Variants in TECTB observed in about 807,000 individuals in gnomAD.
TECTB encodes the protein tectorin beta.
Under a neutral mutation model 43.3 loss-of-function variants are expected in TECTB, and 45 were observed. The ratio of observed to expected loss-of-function variants is 1.04; its 90% CI spans 0.82 to 1.33. TECTB has a LOEUF of 1.33. Among genes scored for constraint, TECTB ranks in the 40% most tolerant of loss-of-function variants. TECTB has a pLI of 0.00. For missense variants in TECTB, 399 were observed against 404.7 expected, an observed-to-expected ratio of 0.99 and a Z score of 0.12; for synonymous variants, 169 against 156.7, an observed-to-expected ratio of 1.08 and a Z score of -0.59.
chr10:112,293,637 G>A, intron 5 of TECTB, 101 bp from the exon 6 acceptor site: 2 of 1,018,070 alleles, frequency 2.0e-6, no homozygotes, highest in Non-Finnish European at 3.1e-6. Context: ...ATGTCTTTGG[G>A]TTGATTCTCA....
At chr10:112,298,319 G>A (rs942462493) in intron 8 of TECTB, 88 bp downstream of exon 8, 1 of 1,505,854 alleles carries the variant, frequency 6.6e-7, no homozygotes, top group Admixed American at 2.0e-5. Context: ...ATCATAACCA[G>A]GCCAGGGCAG....
chr10:112,297,057 T>G (rs752661200), intron 7 of TECTB, among the ~76,000 whole-genome samples: 38 of 152,302 alleles, frequency 2.5e-4, no homozygotes, highest in Non-Finnish European at 4.6e-4. Flanking sequence ...CAACACCTAG[T>G]TAAAGGAACG....
At chr10:112,285,359 C>T (rs957762776) in intron 3 of TECTB, among the ~76,000 whole-genome samples, 1 of 152,166 alleles carries the variant, frequency 6.6e-6, no homozygotes, top group African/African-American at 2.4e-5. Flanking sequence ...TTCCTACTGC[C>T]CTACCTGCCA....
rs201047314 is a variant in TECTB at position 112,303,312 on chromosome 10, G to C, written c.990G>C (p.Ter330TyrextTer13). Residue 330 changes from the stop codon to tyrosine, a stop_lost, in exon 11 of 11, where the codon TAG (stop) becomes TAC (tyrosine). Transcript: ENST00000646139. ...IMMLGICAVL[*>Y] Reference sequence around the variant, plus strand: ...TGTTGGGGATTTGTGCCGTGTTATAGGAGTTAGCCAGGCAGCTGCCGCTCC... The same window carrying C: ...TGTTGGGGATTTGTGCCGTGTTATACGAGTTAGCCAGGCAGCTGCCGCTCC... 19 of 1,614,032 alleles carry C rather than the reference G, an allele frequency of 1.2e-5. No homozygotes were observed. Among genetic ancestry groups the C allele is most frequent in the Non-Finnish European group, 1.6e-5 (19 of 1,180,030 alleles).
chr10:112,283,430 T>C lies in TECTB; in HGVS notation c.-154T>C. ...TGGGGAGCATCCAGCAGCCAGCCTC[T>C]ACAGTCCGGAGAGGATGAAACAGTC... On this transcript the variant is annotated 5_prime_UTR_variant, in exon 1 of 11. Coordinates refer to ENST00000646139, the MANE Select transcript of TECTB (RefSeq NM_058222.3). 3.2e-6 allele frequency: 1 copy of C among 314,588 alleles called. No homozygotes were observed. Among genetic ancestry groups the C allele is most frequent in the Non-Finnish European group, 5.8e-6 (1 of 171,898 alleles). The allele number at this position is 314,588 out of a possible 1,614,324, so 19.5% of individuals were successfully genotyped here. A position where few individuals can be genotyped will look rare whatever the true frequency, so the allele number is the denominator to read the frequency against.
intron 5 of TECTB, among the ~76,000 whole-genome samples, chr10:112,290,666 C>T (rs1468370671): frequency 6.6e-6 from 1 of 152,138 alleles, no homozygotes; most frequent in African/African-American, 2.4e-5. Flanking sequence ...TGAAAATGGC[C>T]TCTCAAAATA....
chr10:112,302,479 T>C, intron 10 of TECTB: 1 of 420,358 alleles, frequency 2.4e-6, no homozygotes, highest in Non-Finnish European at 4.1e-6. Flanking sequence ...ATTTGAATTC[T>C]TGTTATGGCT....
chr10:112,303,334 C>G lies in TECTB; in HGVS notation c.*22C>G. 1 of 1,613,940 alleles carries G rather than the reference C, an allele frequency of 6.2e-7. No homozygotes were observed. The highest frequency in any genetic ancestry group is 8.5e-7 in the Non-Finnish European group (1 of 1,179,810). On this transcript the variant is annotated 3_prime_UTR_variant, in exon 11 of 11. Coordinates refer to ENST00000646139, the MANE Select transcript of TECTB (RefSeq NM_058222.3). ...ATAGGAGTTAGCCAGGCAGCTGCCG[C>G]TCCTCCACCCACAATAGTCCTCAGC...
intron 10 of TECTB, 151 bp downstream of exon 10, chr10:112,302,284 A>C: frequency 3.5e-6 from 3 of 848,406 alleles, no homozygotes; most frequent in Non-Finnish European, 5.4e-6. Context: ...AGAGGGGGCG[A>C]GATCAAGAGG....
At chr10:112,299,956 A>G (rs889397772) in intron 9 of TECTB, among the ~76,000 whole-genome samples, 1 of 151,960 alleles carries the variant, frequency 6.6e-6, no homozygotes, top group Middle Eastern at 3.2e-3. Flanking sequence ...TGAGGTCAGG[A>G]GTTTGAGACC....
chr10:112,289,556 G>A (rs190794023), intron 5 of TECTB, among the ~76,000 whole-genome samples: 18 of 152,218 alleles, frequency 1.2e-4, no homozygotes, highest in Admixed American at 5.2e-4. Context: ...CTGAACTCTC[G>A]CACATGTGTC....
chr10:112,299,254 T>C (rs956882599), intron 8 of TECTB, among the ~76,000 whole-genome samples: 2 of 152,230 alleles, frequency 1.3e-5, no homozygotes, highest in Admixed American at 1.3e-4. Context: ...GGATTCCCTC[T>C]GGCTTGAAGA....
At chr10:112,290,141 G>A (rs137917773) in intron 5 of TECTB, among the ~76,000 whole-genome samples, 159 of 152,206 alleles carry the variant, frequency 1.0e-3, no homozygotes, top group African/African-American at 2.8e-3. Flanking sequence ...ATCTTGCACC[G>A]CTCACTCTGT....
At chr10:112,290,651 A>G (rs992807386) in intron 5 of TECTB, among the ~76,000 whole-genome samples, 1 of 152,220 alleles carries the variant, frequency 6.6e-6, no homozygotes, top group Non-Finnish European at 1.5e-5. Flanking sequence ...GTAAGTTCCT[A>G]TATTTGAAAA....
At chr10:112,299,704 A>G (rs758875868) in intron 9 of TECTB, 140 bp downstream of exon 9, 2 of 846,272 alleles carry the variant, frequency 2.4e-6, no homozygotes, top group East Asian at 5.3e-5. Flanking sequence ...CTGCTCCTGG[A>G]GTCTTCCAGC....
At chr10:112,295,242 T>C (rs1448688701) in intron 7 of TECTB, among the ~76,000 whole-genome samples, 1 of 152,188 alleles carries the variant, frequency 6.6e-6, no homozygotes, top group Non-Finnish European at 1.5e-5. Context: ...ATAAACATAA[T>C]TGGATAACAA....
At chr10:112,286,948 A>C (rs1161166398) in intron 5 of TECTB, among the ~76,000 whole-genome samples, 1 of 152,132 alleles carries the variant, frequency 6.6e-6, no homozygotes, top group African/African-American at 2.4e-5. Context: ...AAACAAAAAA[A>C]CCAATCTTCC....
chr10:112,292,160 A>C (rs1041637939), intron 5 of TECTB, among the ~76,000 whole-genome samples: 44 of 151,906 alleles, frequency 2.9e-4, no homozygotes, highest in Non-Finnish European at 4.6e-4. Flanking sequence ...AGAAAGAAAG[A>C]AAGCTAATCC....
intron 9 of TECTB, among the ~76,000 whole-genome samples, chr10:112,300,793 T>C (rs1382877521): frequency 1.3e-5 from 2 of 152,180 alleles, no homozygotes; most frequent in Non-Finnish European, 2.9e-5. Flanking sequence ...AAATCTGAAA[T>C]CTGAAACACT....
Sources: allele counts gnomAD v4.1 joint callset (sites outside exome capture counted in the v4.1 genomes callset), GRCh38; gene constraint gnomAD v4.1.1; transcripts MANE v1.5; gene names NCBI Gene and HGNC (gene_info 2026-07-23, HGNC 2026-07-21).